ABCA13: variants seen among roughly 807,000 people sequenced by gnomAD.
ABCA13 encodes ATP binding cassette subfamily A member 13, also known as ATP-binding cassette sub-family A member 13.
In ABCA13, 476 loss-of-function variants were observed where a neutral mutation model predicts 478.7. The observed-to-expected ratio is 0.99, with a 90% CI of 0.92 to 1.07. The LOEUF (loss-of-function observed/expected upper bound fraction) is 1.07, where lower values mean the gene tolerates loss of function less well. Ranked by LOEUF, ABCA13 falls within the 50% of genes least tolerant of loss-of-function variation. The pLI, the probability that ABCA13 is intolerant of heterozygous loss-of-function variation, is 0.00. For missense variants in ABCA13, 6,060 were observed against 5,910.6 expected, an observed-to-expected ratio of 1.03 and a Z score of -0.83; for synonymous variants, 2,252 against 2,158.9, an observed-to-expected ratio of 1.04 and a Z score of -1.20.
intron 58 of ABCA13, among the ~76,000 whole-genome samples, chr7:48,611,211 A>C (rs558627042): frequency 6.6e-6 from 1 of 152,146 alleles, no homozygotes; most frequent in East Asian, 1.9e-4. Context: ...TCTCATCTCT[A>C]TCTGAGATCT....
chr7:48,223,974 AAAAG>A (rs1187453498), intron 5 of ABCA13, among the ~76,000 whole-genome samples: 5 of 150,670 alleles, frequency 3.3e-5, no homozygotes, highest in Non-Finnish European at 5.9e-5. Context: ...AAAAAAAAAA[AAAAG>A]AGAGAGAGAG....
intron 27 of ABCA13, 142 bp from the exon 28 acceptor site, chr7:48,335,280 T>G: frequency 1.7e-6 from 1 of 584,248 alleles, no homozygotes. Flanking sequence ...ATTGGAACTT[T>G]TCATGTTATT....
At chr7:48,251,222 G>A (rs1318579118) in intron 15 of ABCA13, among the ~76,000 whole-genome samples, 1 of 152,088 alleles carries the variant, frequency 6.6e-6, no homozygotes, top group African/African-American at 2.4e-5. Context: ...TATACTACCT[G>A]TCCTCATTAT....
At chr7:48,296,522 C>A (rs1393315850) in intron 21 of ABCA13, among the ~76,000 whole-genome samples, 1 of 150,666 alleles carries the variant, frequency 6.6e-6, no homozygotes, top group Admixed American at 6.6e-5. Context: ...TGCAGTGGCG[C>A]GATCTCGGCT....
In ABCA13 at chr7:48,234,151, G is replaced by C. The variant is rs370659927; in HGVS notation, c.897G>C (p.Glu299Asp). 3.1e-6 allele frequency: 5 copies of C among 1,613,888 alleles called. No homozygotes were observed. The highest frequency in any genetic ancestry group is 4.2e-6 in the Non-Finnish European group (5 of 1,179,812). ...QILNSSAELK[E>D]IPTDTSLEKM... ...TGAACTCTTCAGCTGAACTGAAGGA[G>C]GTACACATGCTTGACTGCTTCTCAC... is the stretch of plus-strand genomic sequence containing the variant. Residue 299 changes from glutamate to aspartate, a missense_variant and splice_region_variant, in exon 8 of 62, where the codon GAG becomes GAC. Physicochemically the swap from Glu to Asp is conservative, Grantham distance 45. Around this residue, in one of 3 missense-constraint regions of ABCA13, gnomAD observed 4,423 missense variants for 4,309.1 expected, o/e 1.03. Transcript: ENST00000435803.
At chr7:48,514,579 A>G (rs1441042301) in intron 51 of ABCA13, among the ~76,000 whole-genome samples, 1 of 152,220 alleles carries the variant, frequency 6.6e-6, no homozygotes, top group Non-Finnish European at 1.5e-5. Flanking sequence ...TACTGCTTAT[A>G]TTTCTGTTGC....
chr7:48,585,379 TAGC>T (rs1043378833), intron 56 of ABCA13, among the ~76,000 whole-genome samples: 1 of 152,220 alleles, frequency 6.6e-6, no homozygotes, highest in Non-Finnish European at 1.5e-5. Flanking sequence ...CTTAGGCAGA[TAGC>T]AGGAGATTAA....
chr7:48,334,914 G>A (rs1230842600), intron 27 of ABCA13, among the ~76,000 whole-genome samples: 1 of 152,178 alleles, frequency 6.6e-6, no homozygotes, highest in Non-Finnish European at 1.5e-5. Flanking sequence ...TCTTGAGAGA[G>A]TAAAGCATGT....
At chr7:48,266,203 T>G (rs934366250) in intron 15 of ABCA13, among the ~76,000 whole-genome samples, 2 of 151,724 alleles carry the variant, frequency 1.3e-5, no homozygotes, top group African/African-American at 4.8e-5. Flanking sequence ...TTTGCATCAG[T>G]TTTTATGAGG....
chr7:48,415,570 A>G (rs1819867260), intron 41 of ABCA13, among the ~76,000 whole-genome samples: 1 of 152,226 alleles, frequency 6.6e-6, no homozygotes, highest in Non-Finnish European at 1.5e-5. Flanking sequence ...CTGATTTGCA[A>G]TTAAACACAT....
At chr7:48,208,228 T>C (rs1039180926) in intron 3 of ABCA13, among the ~76,000 whole-genome samples, 1 of 152,186 alleles carries the variant, frequency 6.6e-6, no homozygotes, top group Non-Finnish European at 1.5e-5. Flanking sequence ...GGTAATGTGA[T>C]GCCATCAGCT....
intron 6 of ABCA13, 67 bp downstream of exon 6, chr7:48,227,492 G>A: frequency 1.3e-6 from 2 of 1,508,122 alleles, no homozygotes; most frequent in Non-Finnish European, 1.8e-6. Flanking sequence ...TTTAAAATGA[G>A]AAATAAAAAT....
intron 27 of ABCA13, among the ~76,000 whole-genome samples, chr7:48,319,605 A>G (rs1397166138): frequency 7.2e-5 from 11 of 152,208 alleles, no homozygotes; most frequent in Non-Finnish European, 1.3e-4. Context: ...AGGTGGAACC[A>G]TCTGAAGTTG....
At chr7:48,626,638 C>T (rs981768791) in intron 59 of ABCA13, 5 of 985,252 alleles carry the variant, frequency 5.1e-6, no homozygotes, top group African/African-American at 1.7e-5. Context: ...AACTGGTGAC[C>T]AAGCACATGG....
chr7:48,302,172 A>G (rs574958106), intron 23 of ABCA13, among the ~76,000 whole-genome samples: 2 of 152,280 alleles, frequency 1.3e-5, no homozygotes, highest in East Asian at 1.9e-4. Flanking sequence ...TATTGCTTCA[A>G]TTTGTTACAA....
chr7:48,444,003 A>G (rs1823960082), intron 42 of ABCA13, among the ~76,000 whole-genome samples: 1 of 151,726 alleles, frequency 6.6e-6, no homozygotes, highest in Admixed American at 6.6e-5. Flanking sequence ...CCTTCCTGTT[A>G]CAGGAGGAAA....
chr7:48,239,296 C>G lies in ABCA13; in HGVS notation c.953C>G (p.Ser318Ter). The G allele has an allele frequency of 6.2e-7, 1 of 1,613,986 alleles. No homozygotes were observed. The highest frequency in any genetic ancestry group is 8.5e-7 in the Non-Finnish European group (1 of 1,179,868). Reference sequence around the variant, plus strand: ...GTGTGTTCAGTCTTGTCTAGCACATCAGAGGATGAAGCTGAGAAATGGGGC... The same window carrying G: ...GTGTGTTCAGTCTTGTCTAGCACATGAGAGGATGAAGCTGAGAAATGGGGC... ...KMVCSVLSSTSEDEAEKWGHV... is the reference protein window; with the variant it reads ...KMVCSVLSST Residue 318 changes from serine (S) to a stop codon, truncating the protein, a stop_gained, in exon 9 of 62, where the codon TCA becomes TGA. Transcript: ENST00000435803. LOFTEE classifies it high-confidence loss of function.
At chr7:48,488,316 T>C (rs1265600133) in intron 47 of ABCA13, among the ~76,000 whole-genome samples, 1 of 151,782 alleles carries the variant, frequency 6.6e-6, no homozygotes, top group Non-Finnish European at 1.5e-5. Context: ...ACACAATAGC[T>C]GCCACACAAG....
chr7:48,318,800 C>T (rs1306359314), intron 27 of ABCA13, among the ~76,000 whole-genome samples: 3 of 151,680 alleles, frequency 2.0e-5, no homozygotes, highest in Non-Finnish European at 4.4e-5. Flanking sequence ...TATCACAGCT[C>T]TATTTTAAAT....
Sources: allele counts gnomAD v4.1 joint callset (sites outside exome capture counted in the v4.1 genomes callset), GRCh38; gene constraint gnomAD v4.1.1; regional missense constraint gnomAD v4.1.1; transcripts MANE v1.5; gene names NCBI Gene and HGNC (gene_info 2026-07-23, HGNC 2026-07-21).